ZFAT: variants seen among roughly 807,000 people sequenced by gnomAD.
The protein encoded by ZFAT is zinc finger protein ZFAT.
Under a neutral mutation model 117.7 loss-of-function variants are expected in ZFAT, and 64 were observed. The ratio of observed to expected loss-of-function variants is 0.54; its 90% CI spans 0.44 to 0.67. The LOEUF (loss-of-function observed/expected upper bound fraction) is 0.67, where lower values mean the gene tolerates loss of function less well. Ranked by LOEUF, ZFAT falls within the 30% of genes least tolerant of loss-of-function variation. ZFAT has a pLI of 0.00. For missense variants in ZFAT, 1,433 were observed against 1,584.5 expected, an observed-to-expected ratio of 0.90 and a Z score of 1.62; for synonymous variants, 679 against 615.0, an observed-to-expected ratio of 1.10 and a Z score of -1.54.
intron 15 of ZFAT, among the ~76,000 whole-genome samples, chr8:134,479,481 C>T (rs1474470714): frequency 1.3e-5 from 2 of 152,218 alleles, no homozygotes; most frequent in Non-Finnish European, 2.9e-5. Flanking sequence ...ATCCCTCATG[C>T]TGCCAGCTCT....
intron 15 of ZFAT, among the ~76,000 whole-genome samples, chr8:134,496,034 C>T (rs1358687452): frequency 1.3e-5 from 2 of 152,168 alleles, no homozygotes; most frequent in East Asian, 3.8e-4. Flanking sequence ...ATGGAAGCGA[C>T]CAGAAGCAGA....
intron 1 of ZFAT, among the ~76,000 whole-genome samples, chr8:134,698,216 C>T (rs1833922053): frequency 6.6e-6 from 1 of 151,816 alleles, no homozygotes; most frequent in Non-Finnish European, 1.5e-5. Flanking sequence ...GTCCCAGCTA[C>T]TCTGGAGGCT....
At chr8:134,532,467 G>T (rs1029771072) in intron 12 of ZFAT, among the ~76,000 whole-genome samples, 1 of 152,198 alleles carries the variant, frequency 6.6e-6, no homozygotes, top group Non-Finnish European at 1.5e-5. Flanking sequence ...AAAACAACAT[G>T]TTCCTGCTAA....
intron 11 of ZFAT, among the ~76,000 whole-genome samples, chr8:134,544,946 G>C (rs893536036): frequency 2.6e-5 from 4 of 152,264 alleles, no homozygotes; most frequent in African/African-American, 7.2e-5. Context: ...GTCCTCTGTG[G>C]GTGTATGTAT....
At chr8:134,694,735 C>T (rs2131340020) in intron 1 of ZFAT, among the ~76,000 whole-genome samples, 1 of 152,252 alleles carries the variant, frequency 6.6e-6, no homozygotes, top group South Asian at 2.1e-4. Flanking sequence ...TCGTGTGTTC[C>T]TGTGCCCCCT....
chr8:134,580,915 T>C (rs1825668972), intron 10 of ZFAT, among the ~76,000 whole-genome samples: 1 of 152,132 alleles, frequency 6.6e-6, no homozygotes, highest in Non-Finnish European at 1.5e-5. Flanking sequence ...AAGGTTTCTT[T>C]TGACAGAAAG....
rs190564122 is a variant in ZFAT at position 134,500,044 on chromosome 8, G to A, written c.3492+9575C>T. ...CCTGAGGCAGGACAAGTCTACAGAG[G>A]GCCCGCAGCGCTCTCCTCCATATGC... On this transcript the variant is annotated intron_variant, in intron 15 of 15. Transcript: ENST00000377838. 2.6e-5 allele frequency among the ~76,000 whole-genome samples: 4 copies of A among 152,306 alleles called. No homozygotes were observed. In the East Asian group the frequency reaches 7.7e-4, roughly 29 times the overall value.
chr8:134,538,796 CAAAA>C (rs35209102), intron 11 of ZFAT, among the ~76,000 whole-genome samples: 9 of 105,072 alleles, frequency 8.6e-5, no homozygotes, highest in Admixed American at 9.5e-5. Context: ...GACCCTGTCA[CAAAA>C]AAAAAAAAAA....
chr8:134,728,903 T>G, the ZFAT span, among the ~76,000 whole-genome samples: 29 of 152,354 alleles, frequency 1.9e-4, no homozygotes, highest in African/African-American at 6.7e-4. Context: ...CATTCCTTTT[T>G]TTCCAGTTAC....
chr8:134,585,174 G>C (rs1462144794), intron 9 of ZFAT, among the ~76,000 whole-genome samples: 2 of 152,130 alleles, frequency 1.3e-5, no homozygotes, highest in African/African-American at 4.8e-5. Flanking sequence ...TTCTGGGTTG[G>C]TCATTTACAA....
intron 10 of ZFAT, among the ~76,000 whole-genome samples, chr8:134,577,012 G>A (rs6996991): frequency 0.27 from 40,684 of 152,038 alleles, 5,834 homozygotes; most frequent in East Asian, 0.52. Flanking sequence ...TAAAGGCACT[G>A]TACAGCTTAA....
In ZFAT at chr8:134,565,326, C is replaced by T; in HGVS notation, c.2976+7G>A. The T allele has an allele frequency of 1.2e-6, 2 of 1,613,480 alleles. No individual in the cohort carries two copies. Among genetic ancestry groups the T allele is most frequent in the African/African-American group, 1.3e-5 (1 of 75,034 alleles). On this transcript the variant is annotated splice_region_variant and intron_variant, in intron 11 of 15. Transcript: ENST00000377838. The stretch of plus-strand genomic sequence containing the variant: ...AACATCTGCCTTCTTCTCCAGAGCC[C>T]TCTTACCTTGAAGGAGACATGCTGT...
intron 8 of ZFAT, 111 bp downstream of exon 8, chr8:134,590,157 C>T: frequency 1.4e-6 from 1 of 738,756 alleles, no homozygotes; most frequent in Non-Finnish European, 2.2e-6. Flanking sequence ...AATATATTCA[C>T]AGCTTCATCC....
At chr8:134,483,810 C>T (rs1013573551) in intron 15 of ZFAT, among the ~76,000 whole-genome samples, 1 of 152,196 alleles carries the variant, frequency 6.6e-6, no homozygotes, top group East Asian at 1.9e-4. Flanking sequence ...CTTTGCTGGG[C>T]TCTCTTCGTG....
intron 3 of ZFAT, among the ~76,000 whole-genome samples, chr8:134,634,525 T>A (rs1830089015): frequency 1.3e-5 from 2 of 151,956 alleles, no homozygotes; most frequent in Non-Finnish European, 2.9e-5. Context: ...AACCCAGCAA[T>A]CTGGTTCTAG....
At chr8:134,689,264 C>T (rs746300651) in intron 1 of ZFAT, among the ~76,000 whole-genome samples, 3 of 152,228 alleles carry the variant, frequency 2.0e-5, no homozygotes, top group South Asian at 2.1e-4. Flanking sequence ...TTAATTAGCA[C>T]GTCATTGAAA....
At position 134,683,729 on chromosome 8, in the gene ZFAT, G is replaced by T. The variant is rs562623678; in HGVS notation, c.20-25992C>A. Among the ~76,000 whole-genome samples the T allele has an allele frequency of 5.3e-5, 8 of 152,136 alleles. No homozygotes were observed. In the South Asian group the frequency reaches 1.5e-3, roughly 28 times the overall value. On this transcript the variant is annotated intron_variant, in intron 1 of 15. Coordinates refer to ENST00000377838, the MANE Select transcript of ZFAT (RefSeq NM_020863.4). ...ACCGGTACCTGGACAGGAAATGGATGCAAGAAGCTCCTGCCCCGCAAGCAG... is the reference window on the plus strand; with the variant it reads ...ACCGGTACCTGGACAGGAAATGGATTCAAGAAGCTCCTGCCCCGCAAGCAG...
At chr8:134,599,702 A>T in intron 7 of ZFAT, 2 of 439,396 alleles carry the variant, frequency 4.6e-6, no homozygotes, top group Non-Finnish European at 4.5e-6. Flanking sequence ...GTAGCATAAA[A>T]AGGCATTCAA....
At chr8:134,577,079 C>T (rs943738668) in intron 10 of ZFAT, among the ~76,000 whole-genome samples, 1 of 152,198 alleles carries the variant, frequency 6.6e-6, no homozygotes, top group Admixed American at 6.5e-5. Context: ...GACAGCACAT[C>T]ATGTCTAGGG....
Sources: allele counts gnomAD v4.1 joint callset (sites outside exome capture counted in the v4.1 genomes callset), GRCh38; gene constraint gnomAD v4.1.1; transcripts MANE v1.5; gene names NCBI Gene and HGNC (gene_info 2026-07-23, HGNC 2026-07-21).